L3MBTL3: variants seen among roughly 807,000 people sequenced by gnomAD.
L3MBTL3 encodes the protein lethal(3)malignant brain tumor-like protein 3.
Under a neutral mutation model 102.3 loss-of-function variants are expected in L3MBTL3, and 27 were observed. That is an observed-to-expected ratio of 0.26 (90% CI 0.19 to 0.36). The LOEUF (loss-of-function observed/expected upper bound fraction) is 0.36, where lower values mean the gene tolerates loss of function less well. Ranked by LOEUF, L3MBTL3 falls within the 10% of genes least tolerant of loss-of-function variation. The probability of loss-of-function intolerance (pLI) is 1.00; values close to 1 mark genes in which losing one functional copy is unlikely to be tolerated. For missense variants in L3MBTL3, 798 were observed against 955.3 expected (o/e 0.84, Z 2.17); for synonymous variants, 340 against 320.9 (o/e 1.06, Z -0.64).
chr6:130,127,281 A>G (rs1226739544), intron 20 of L3MBTL3, among the ~76,000 whole-genome samples: 1 of 152,186 alleles, frequency 6.6e-6, no homozygotes, highest in Non-Finnish European at 1.5e-5. Context: ...GAAATTCTAG[A>G]GAACTTCTCT....
In L3MBTL3 at chr6:130,071,125, T is replaced by C; in HGVS notation, c.1242T>C (p.Tyr414=). ...HFDNWDESYD[Y]WCEASSPHIH... is the part of the protein sequence containing the mutation. Reference sequence around the variant, plus strand: ...ACAACTGGGATGAGAGCTATGACTATTGGTGAGACATTTTCTGTTGTGTGC... The same window carrying C: ...ACAACTGGGATGAGAGCTATGACTACTGGTGAGACATTTTCTGTTGTGTGC... The change falls in exon 13 of 23, where the codon TAT becomes TAC. Residue 414 remains tyrosine (Y), a splice_region_variant and synonymous_variant. Coordinates refer to ENST00000361794, the MANE Select transcript of L3MBTL3 (RefSeq NM_032438.4). The C allele has an allele frequency of 3.1e-6, 5 of 1,608,716 alleles. No homozygotes were observed. Among genetic ancestry groups the C allele is most frequent in the Non-Finnish European group, 4.2e-6 (5 of 1,177,310 alleles).
At chr6:130,068,151 C>T (rs1469014416) in intron 11 of L3MBTL3, among the ~76,000 whole-genome samples, 179 bp from the exon 12 acceptor site, 1 of 152,032 alleles carries the variant, frequency 6.6e-6, no homozygotes, top group African/African-American at 2.4e-5. Context: ...AATAATAATA[C>T]AGTTTGTTGA....
Position 130,094,287 on chromosome 6 carries a change from T to A in L3MBTL3, c.1656T>A (p.Ala552=), listed in dbSNP as rs1345302623. ...TAGGCCCCTTAGAATTAATGGAAGC[T>A]TCAGAACATGGTGGATGCTCAACCC... ...PPLSPLELME[A]SEHGGCSTPG... is the part of the protein sequence containing the mutation. The change falls in exon 18 of 23, where the codon GCT becomes GCA. Residue 552 remains alanine (A), a synonymous_variant. Coordinates refer to ENST00000361794, the MANE Select transcript of L3MBTL3 (RefSeq NM_032438.4). 4 of 1,613,596 alleles carry A rather than the reference T, an allele frequency of 2.5e-6. No homozygotes were observed. In the African/African-American group the frequency reaches 5.3e-5, roughly 22 times the overall value.
intron 3 of L3MBTL3, among the ~76,000 whole-genome samples, chr6:130,045,228 G>A (rs180763232): frequency 9.0e-4 from 137 of 152,010 alleles, no homozygotes; most frequent in African/African-American, 3.0e-3. Context: ...TTCCTCTCTG[G>A]CCATGTCTCA....
At chr6:130,076,260 A>G (rs183696994) in intron 13 of L3MBTL3, among the ~76,000 whole-genome samples, 7 of 152,242 alleles carry the variant, frequency 4.6e-5, no homozygotes. Context: ...GCATCTTGCA[A>G]TGTTCTCCTT....
intron 20 of L3MBTL3, 36 bp downstream of exon 20, chr6:130,120,994 T>C: frequency 7.9e-7 from 1 of 1,266,478 alleles, no homozygotes; most frequent in Non-Finnish European, 1.1e-6. Flanking sequence ...TAATGTGTAT[T>C]ACTGCTAATA....
intron 16 of L3MBTL3, 48 bp downstream of exon 16, chr6:130,086,298 T>C (rs757723931): frequency 7.7e-7 from 1 of 1,292,218 alleles, no homozygotes; most frequent in South Asian, 1.3e-5. Context: ...TTATAAGATG[T>C]TTTAGATAAA....
Position 130,049,319 on chromosome 6 carries a change from C to A in L3MBTL3, c.140C>A (p.Thr47Lys). ...VNEFGALEVITDENEMENVKK... is the reference protein window; with the variant it reads ...VNEFGALEVIKDENEMENVKK... Reference sequence around the variant, plus strand: ...GAGTTTGGAGCCCTGGAAGTTATTACAGATGAGAATGAGATGGAAAATGTT... The same window carrying A: ...GAGTTTGGAGCCCTGGAAGTTATTAAAGATGAGAATGAGATGGAAAATGTT... The change falls in exon 4 of 23, where the codon ACA becomes AAA. Residue 47 changes from threonine to lysine, a missense_variant. Thr to Lys is a moderately conservative substitution (Grantham distance 78, BLOSUM62 -1). Around this residue, in one of 4 missense-constraint regions of L3MBTL3, gnomAD observed 434 missense variants for 506.6 expected, o/e 0.86. Coordinates refer to ENST00000361794, the MANE Select transcript of L3MBTL3 (RefSeq NM_032438.4). 6.2e-7 allele frequency: 1 copy of A among 1,613,634 alleles called. No homozygotes were observed. The highest frequency in any genetic ancestry group is 8.5e-7 in the Non-Finnish European group (1 of 1,179,632).
chr6:130,037,425 CA>C (rs1217983169), intron 2 of L3MBTL3, among the ~76,000 whole-genome samples: 34 of 144,524 alleles, frequency 2.4e-4, no homozygotes, highest in Admixed American at 3.4e-4. Flanking sequence ...TACTGTCTAT[CA>C]AAAAAAAAAA....
intron 3 of L3MBTL3, among the ~76,000 whole-genome samples, chr6:130,046,296 T>A (rs548500723): frequency 4.4e-4 from 67 of 152,324 alleles, no homozygotes; most frequent in Non-Finnish European, 8.1e-4. Context: ...GCACTCTTAA[T>A]ACACGGTTTT....
intron 7 of L3MBTL3, among the ~76,000 whole-genome samples, chr6:130,053,968 G>A (rs889619189): frequency 2.0e-5 from 3 of 152,178 alleles, no homozygotes; most frequent in African/African-American, 7.2e-5. Context: ...AAATGAACAG[G>A]AGAAATGTCA....
intron 2 of L3MBTL3, among the ~76,000 whole-genome samples, chr6:130,026,616 A>G (rs1779364563): frequency 6.6e-6 from 1 of 152,100 alleles, no homozygotes; most frequent in Non-Finnish European, 1.5e-5. Flanking sequence ...GAATTGAGAA[A>G]AGACCAATTA....
chr6:130,068,669 T>A (rs1782432022), intron 12 of L3MBTL3, among the ~76,000 whole-genome samples: 1 of 152,182 alleles, frequency 6.6e-6, no homozygotes, highest in African/African-American at 2.4e-5. Flanking sequence ...CAGGTGAGAT[T>A]TACAATTAAG....
intron 6 of L3MBTL3, 30 bp from the exon 7 acceptor site, chr6:130,052,829 G>A: frequency 1.2e-6 from 2 of 1,601,886 alleles, no homozygotes; most frequent in Non-Finnish European, 1.7e-6. Flanking sequence ...ATTGTCTCTT[G>A]TCACTATTTT....
chr6:130,053,767 T>C (rs1028139672), intron 7 of L3MBTL3, among the ~76,000 whole-genome samples: 3 of 152,156 alleles, frequency 2.0e-5, no homozygotes, highest in African/African-American at 7.2e-5. Context: ...CATCTATTAA[T>C]GGTTTTATAG....
intron 15 of L3MBTL3, among the ~76,000 whole-genome samples, chr6:130,083,968 C>T (rs139540778): frequency 5.4e-4 from 82 of 152,096 alleles, no homozygotes; most frequent in Middle Eastern, 3.4e-3. Context: ...GCATGTGGGG[C>T]CAGTTGTTGA....
At chr6:130,081,331 G>A (rs927749374) in intron 14 of L3MBTL3, among the ~76,000 whole-genome samples, 6 of 151,926 alleles carry the variant, frequency 3.9e-5, no homozygotes, top group African/African-American at 1.5e-4. Flanking sequence ...TTAGTAGAAT[G>A]TTCTAATTTA....
At chr6:130,124,980 A>G (rs537741449) in intron 20 of L3MBTL3, among the ~76,000 whole-genome samples, 1 of 152,232 alleles carries the variant, frequency 6.6e-6, no homozygotes, top group Non-Finnish European at 1.5e-5. Context: ...CAAAAAAAAA[A>G]AAATAAAATA....
chr6:130,124,569 T>C (rs1786466287), intron 20 of L3MBTL3, among the ~76,000 whole-genome samples: 1 of 152,222 alleles, frequency 6.6e-6, no homozygotes, highest in Admixed American at 6.5e-5. Flanking sequence ...TCCAGAAAGC[T>C]TCCTTAAGTT....
Sources: allele counts gnomAD v4.1 joint callset (sites outside exome capture counted in the v4.1 genomes callset), GRCh38; gene constraint gnomAD v4.1.1; regional missense constraint gnomAD v4.1.1; transcripts MANE v1.5; gene names NCBI Gene and HGNC (gene_info 2026-07-23, HGNC 2026-07-21).